Variants in NEK1 observed in about 807,000 individuals in gnomAD.
NEK1 encodes serine/threonine-protein kinase Nek1.
Under a neutral mutation model 182.1 loss-of-function variants are expected in NEK1, and 137 were observed. The ratio of observed to expected loss-of-function variants is 0.75; its 90% CI spans 0.65 to 0.87. The LOEUF (loss-of-function observed/expected upper bound fraction) is 0.87. NEK1 is among the 40% of genes least tolerant of loss of function. The probability of loss-of-function intolerance (pLI) is 0.00; values close to 1 mark genes in which losing one functional copy is unlikely to be tolerated. For missense variants in NEK1, 1,391 were observed against 1,494.4 expected, an observed-to-expected ratio of 0.93 and a Z score of 1.14; for synonymous variants, 513 against 492.2, an observed-to-expected ratio of 1.04 and a Z score of -0.56.
At chr4:169,494,666 T>G (rs553674460) in intron 23 of NEK1, among the ~76,000 whole-genome samples, 1 of 152,322 alleles carries the variant, frequency 6.6e-6, no homozygotes, top group East Asian at 1.9e-4. Context: ...CCCTGAGGAA[T>G]CGCCACACTG....
At chr4:169,589,571 G>A in intron 6 of NEK1, 57 bp from the exon 7 acceptor site, 1 of 1,064,410 alleles carries the variant, frequency 9.4e-7, no homozygotes, top group Non-Finnish European at 1.3e-6. Flanking sequence ...CCAGTTCTAA[G>A]TCAACATTTT....
chr4:169,428,353 T>TATATATATATATATATATATAC (rs1358770464), intron 29 of NEK1, among the ~76,000 whole-genome samples: 1 of 139,514 alleles, frequency 7.2e-6, no homozygotes, highest in Non-Finnish European at 1.6e-5. Context: ...ATATATGGGA[T>TATATATATATATATATATATAC]ATATATATAT....
At chr4:169,484,017 T>C (rs898247797) in intron 23 of NEK1, among the ~76,000 whole-genome samples, 1 of 152,204 alleles carries the variant, frequency 6.6e-6, no homozygotes, top group Non-Finnish European at 1.5e-5. Flanking sequence ...TAAGGTTTCA[T>C]ACACTGAGAG....
At chr4:169,429,792 T>C (rs1737087955) in intron 29 of NEK1, among the ~76,000 whole-genome samples, 1 of 152,192 alleles carries the variant, frequency 6.6e-6, no homozygotes, top group East Asian at 1.9e-4. Flanking sequence ...CCTTCATGAA[T>C]AGCCTATTCA....
Position 169,477,432 on chromosome 4 carries a change from T to G in NEK1, c.2205A>C (p.Ser735=). 6.2e-7 allele frequency: 1 copy of G among 1,602,234 alleles called. No homozygotes were observed. The highest frequency in any genetic ancestry group is 8.5e-7 in the Non-Finnish European group (1 of 1,174,492). ...GATAAACTTTGAAAATTTTACTTACTGAAATAGCATTGTTGGTCTTTTGCA... is the reference window on the plus strand; with the variant it reads ...GATAAACTTTGAAAATTTTACTTACGGAAATAGCATTGTTGGTCTTTTGCA... ...EEMQKTNNAI[S]SKREILRRLN... Residue 735 remains serine (S), a splice_region_variant and synonymous_variant, in exon 25 of 36, where the codon TCA becomes TCC. Coordinates refer to ENST00000507142, the MANE Select transcript of NEK1 (RefSeq NM_001199397.3).
intron 23 of NEK1, among the ~76,000 whole-genome samples, chr4:169,487,792 C>T (rs184776085): frequency 1.3e-5 from 2 of 152,244 alleles, no homozygotes; most frequent in East Asian, 3.9e-4. Flanking sequence ...AGTGTAAATG[C>T]ATTCCTTTTT....
intron 2 of NEK1, among the ~76,000 whole-genome samples, chr4:169,611,767 C>T (rs1394979125): frequency 1.3e-5 from 2 of 152,176 alleles, no homozygotes; most frequent in East Asian, 1.9e-4. Flanking sequence ...CAAATGCTTG[C>T]TTATCCATAC....
chr4:169,564,674 G>GA (rs1188675283), intron 12 of NEK1, among the ~76,000 whole-genome samples: 2 of 152,038 alleles, frequency 1.3e-5, no homozygotes, highest in African/African-American at 4.8e-5. Flanking sequence ...GCTTTAGAAA[G>GA]CAATGGTATA....
At chr4:169,526,508 A>G in intron 19 of NEK1, among the ~76,000 whole-genome samples, 1 of 152,190 alleles carries the variant, frequency 6.6e-6, no homozygotes, top group East Asian at 1.9e-4. Context: ...AACAAAAATA[A>G]AAGTAAACAA....
chr4:169,409,696 A>T (rs1733316381), intron 31 of NEK1, among the ~76,000 whole-genome samples: 1 of 151,748 alleles, frequency 6.6e-6, no homozygotes, highest in African/African-American at 2.4e-5. Flanking sequence ...TAAACCTAGG[A>T]GGCGGAGGTT....
At chr4:169,414,733 G>A (rs1734239403) in intron 31 of NEK1, among the ~76,000 whole-genome samples, 1 of 152,188 alleles carries the variant, frequency 6.6e-6, no homozygotes, top group Non-Finnish European at 1.5e-5. Flanking sequence ...ACCTTTAGCT[G>A]TGAGGTGTAA....
intron 19 of NEK1, among the ~76,000 whole-genome samples, chr4:169,522,938 C>A (rs1346116812): frequency 2.0e-5 from 3 of 152,138 alleles, no homozygotes; most frequent in Non-Finnish European, 1.5e-5. Context: ...CCAAGATATA[C>A]GGGAGACAGA....
intron 10 of NEK1, among the ~76,000 whole-genome samples, chr4:169,581,444 AT>A (rs1305410507): frequency 2.0e-5 from 3 of 151,390 alleles, no homozygotes; most frequent in Non-Finnish European, 2.9e-5. Context: ...TTTAAAAAAA[AT>A]TTTTTTTGGT....
intron 27 of NEK1, among the ~76,000 whole-genome samples, chr4:169,456,340 A>G (rs975380460): frequency 2.0e-5 from 3 of 152,158 alleles, no homozygotes; most frequent in Non-Finnish European, 2.9e-5. Flanking sequence ...GCCCAAAAGT[A>G]GTAGAAGAAA....
intron 5 of NEK1, among the ~76,000 whole-genome samples, chr4:169,595,978 C>T (rs1005340882): frequency 6.0e-5 from 9 of 149,418 alleles, no homozygotes; most frequent in African/African-American, 2.2e-4. Flanking sequence ...TTACATAGTG[C>T]TGCCAGGAAA....
chr4:169,478,610 G>A (rs1451318968), intron 24 of NEK1, among the ~76,000 whole-genome samples: 1 of 151,640 alleles, frequency 6.6e-6, no homozygotes. Context: ...TCAACCCAAA[G>A]GCTATAAAAA....
intron 31 of NEK1, among the ~76,000 whole-genome samples, chr4:169,408,938 T>C (rs971579764): frequency 1.3e-5 from 2 of 152,174 alleles, no homozygotes; most frequent in Non-Finnish European, 2.9e-5. Context: ...AACATGGGTG[T>C]GTGTGTGTCT....
Position 169,477,462 on chromosome 4 carries a change from T to C in NEK1, c.2175A>G (p.Glu725=). 6.2e-7 allele frequency: 1 copy of C among 1,608,256 alleles called. No individual in the cohort carries two copies. Among genetic ancestry groups the C allele is most frequent in the South Asian group, 1.1e-5 (1 of 89,520 alleles). Residue 725 remains glutamate (E), a synonymous_variant, in exon 25 of 36, where the codon GAA becomes GAG. Coordinates refer to ENST00000507142, the MANE Select transcript of NEK1 (RefSeq NM_001199397.3). The part of the protein sequence containing the change: ...SSLTDTRETS[E]EMQKTNNAIS... ...TAGCATTGTTGGTCTTTTGCATCTC[T>C]TCTGAAGTTTCCCGGGTATCAGTTA...
intron 31 of NEK1, among the ~76,000 whole-genome samples, chr4:169,414,893 T>C (rs1482204484): frequency 1.3e-5 from 2 of 152,194 alleles, no homozygotes; most frequent in Admixed American, 6.5e-5. Context: ...GAAGTTCTAG[T>C]TTTGATTAAA....
Sources: gnomAD v4.1 joint callset for allele counts (sites outside exome capture counted in the v4.1 genomes callset) on GRCh38, gnomAD v4.1.1 for gene constraint, MANE v1.5 for transcripts, NCBI Gene and HGNC (gene_info 2026-07-23, HGNC 2026-07-21) for gene names.